The following GPC5 variants were observed in gnomAD, a reference collection of about 807,000 sequenced individuals.
GPC5 encodes glypican-5.
Under a neutral mutation model 53.9 loss-of-function variants are expected in GPC5, and 47 were observed. The ratio of observed to expected loss-of-function variants is 0.87; its 90% CI spans 0.69 to 1.11. The LOEUF is 1.11. Among genes scored for constraint, GPC5 ranks in the 50% most tolerant of loss-of-function variants. The pLI, the probability that GPC5 is intolerant of heterozygous loss-of-function variation, is 0.00. For synonymous variants in GPC5, 286 were observed against 263.3 expected (o/e 1.09, Z -0.84); for missense variants, 748 against 713.1 (o/e 1.05, Z -0.56).
chr13:92,786,348 C>G (rs1008788401), intron 7 of GPC5, among the ~76,000 whole-genome samples: 1 of 151,990 alleles, frequency 6.6e-6, no homozygotes. Context: ...ATGATTTTGA[C>G]GAATGGACAT....
In GPC5 at chr13:92,403,126, C is replaced by T. The variant is rs533796045; in HGVS notation, c.1561+258137C>T. Among the ~76,000 whole-genome samples, 5 of 152,252 alleles carry T rather than the reference C, an allele frequency of 3.3e-5. No individual in the cohort carries two copies. The South Asian group carries it at 1.0e-3, about 32-fold the overall frequency. On this transcript the variant is annotated intron_variant, in intron 7 of 7. Transcript: ENST00000377067. Reference sequence around the variant, plus strand: ...TATTCTCATATTCAACTTTGCCTAACGCATTTCTATGCTATTAAATTTGCA... The same window carrying T: ...TATTCTCATATTCAACTTTGCCTAATGCATTTCTATGCTATTAAATTTGCA...
intron 7 of GPC5, among the ~76,000 whole-genome samples, chr13:92,813,336 T>C (rs1877360824): frequency 6.6e-6 from 1 of 151,964 alleles, no homozygotes; most frequent in South Asian, 2.1e-4. Context: ...TGATTATGGT[T>C]AGACACAATT....
intron 5 of GPC5, among the ~76,000 whole-genome samples, chr13:91,891,511 C>T (rs375141519): frequency 5.3e-5 from 8 of 152,028 alleles, no homozygotes; most frequent in Admixed American, 1.3e-4. Context: ...AATAACCATA[C>T]GGCCACAAAA....
At chr13:91,668,264 G>T (rs551842301) in intron 2 of GPC5, among the ~76,000 whole-genome samples, 4 of 152,274 alleles carry the variant, frequency 2.6e-5, no homozygotes, top group African/African-American at 7.2e-5. Flanking sequence ...ATCCAGCTGG[G>T]GCTTTGCTCT....
At chr13:92,861,015 G>A (rs1234013617) in intron 7 of GPC5, among the ~76,000 whole-genome samples, 1 of 151,842 alleles carries the variant, frequency 6.6e-6, no homozygotes, top group Non-Finnish European at 1.5e-5. Context: ...CACAGCAATA[G>A]ACTATTAGAA....
chr13:92,172,539 A>T (rs915008146), intron 7 of GPC5, among the ~76,000 whole-genome samples: 4 of 152,218 alleles, frequency 2.6e-5, no homozygotes, highest in Non-Finnish European at 5.9e-5. Context: ...ATAAAGTGGT[A>T]AAAAAGAAGG....
At chr13:91,970,729 G>T (rs552476432) in intron 6 of GPC5, among the ~76,000 whole-genome samples, 71 of 152,088 alleles carry the variant, frequency 4.7e-4, no homozygotes, top group Non-Finnish European at 9.3e-4. Context: ...ATAATCATGT[G>T]GTTTTTGTCT....
chr13:91,425,840 A>G (rs1441900376), intron 1 of GPC5, among the ~76,000 whole-genome samples: 2 of 152,172 alleles, frequency 1.3e-5, no homozygotes, highest in African/African-American at 2.4e-5. Flanking sequence ...AAGATGTGGG[A>G]AAGTTTGGAG....
At chr13:91,478,415 G>C (rs945981806) in intron 2 of GPC5, among the ~76,000 whole-genome samples, 3 of 151,658 alleles carry the variant, frequency 2.0e-5, no homozygotes, top group African/African-American at 7.3e-5. Flanking sequence ...TCATAAAAAT[G>C]TAAAGAGAAA....
intron 7 of GPC5, among the ~76,000 whole-genome samples, chr13:92,508,844 G>A (rs1247001431): frequency 6.6e-6 from 1 of 152,176 alleles, no homozygotes; most frequent in Non-Finnish European, 1.5e-5. Flanking sequence ...GCTAAAACAG[G>A]AAAAGTAATT....
At chr13:91,718,513 TTGA>T in intron 3 of GPC5, among the ~76,000 whole-genome samples, 1 of 152,260 alleles carries the variant, frequency 6.6e-6, no homozygotes, top group East Asian at 1.9e-4. Context: ...CTTTCTTCTC[TTGA>T]TGAAGAAGAG....
chr13:92,604,566 A>G (rs79610693), intron 7 of GPC5, among the ~76,000 whole-genome samples: 5,661 of 152,280 alleles, frequency 0.037, 145 homozygotes, highest in Middle Eastern at 0.13. Flanking sequence ...GAAACTATGC[A>G]ATTGCGTAGA....
intron 7 of GPC5, among the ~76,000 whole-genome samples, chr13:92,324,765 G>GCCTC (rs2043239215): frequency 6.6e-6 from 1 of 151,622 alleles, no homozygotes; most frequent in Non-Finnish European, 1.5e-5. Flanking sequence ...TTAGTGACTT[G>GCCTC]ACTTTCTCAA....
At chr13:91,608,186 C>T (rs114434328) in intron 2 of GPC5, among the ~76,000 whole-genome samples, 143 of 152,216 alleles carry the variant, frequency 9.4e-4, no homozygotes, top group African/African-American at 1.8e-3. Flanking sequence ...TTCCAGGGAA[C>T]GCATTGATTA....
intron 7 of GPC5, among the ~76,000 whole-genome samples, chr13:92,808,320 A>G (rs371484398): frequency 6.6e-6 from 1 of 152,134 alleles, no homozygotes; most frequent in East Asian, 1.9e-4. Flanking sequence ...ACATAGCACA[A>G]CAGCTTCTTA....
chr13:91,792,348 G>T (rs1228157748), intron 5 of GPC5, among the ~76,000 whole-genome samples: 6 of 152,142 alleles, frequency 3.9e-5, no homozygotes, highest in African/African-American at 1.4e-4. Flanking sequence ...CAAAATGATA[G>T]TCTCAACTTG....
intron 5 of GPC5, among the ~76,000 whole-genome samples, chr13:91,801,145 A>G (rs1447665198): frequency 6.6e-6 from 1 of 152,132 alleles, no homozygotes; most frequent in African/African-American, 2.4e-5. Context: ...TATCAAAGCC[A>G]TTAACAGTAA....
chr13:92,848,241 A>T (rs538201628), intron 7 of GPC5, among the ~76,000 whole-genome samples: 25 of 152,262 alleles, frequency 1.6e-4, no homozygotes, highest in Middle Eastern at 3.4e-3. Flanking sequence ...ATCCTGGGAA[A>T]AGGCCTTATT....
At chr13:92,211,207 A>G (rs186508136) in intron 7 of GPC5, among the ~76,000 whole-genome samples, 39 of 152,296 alleles carry the variant, frequency 2.6e-4, no homozygotes, top group African/African-American at 9.4e-4. Context: ...GAAGGAAAGG[A>G]TATCTATTGA....
Sources: allele counts gnomAD v4.1 joint callset (sites outside exome capture counted in the v4.1 genomes callset), GRCh38; gene constraint gnomAD v4.1.1; transcripts MANE v1.5; gene names NCBI Gene and HGNC (gene_info 2026-07-23, HGNC 2026-07-21).